MEAK7: variants seen among roughly 807,000 people sequenced by gnomAD.
MEAK7 encodes the protein MTOR-associated protein MEAK7.
A neutral mutation model predicts 40.5 loss-of-function variants in MEAK7; 68 were observed. The observed-to-expected ratio is 1.68, with a 90% CI of 1.38 to 2.06. MEAK7 has a LOEUF of 2.06. Among genes scored for constraint, MEAK7 ranks in the 30% most tolerant of loss-of-function variants. The pLI is 0.00. For synonymous variants in MEAK7, 338 were observed against 231.9 expected (o/e 1.46, Z -4.16); for missense variants, 918 against 580.5 (o/e 1.58, Z -5.98).
At chr16:84,502,290 G>T (rs1229297035) in intron 1 of MEAK7, among the ~76,000 whole-genome samples, 2 of 152,100 alleles carry the variant, frequency 1.3e-5, no homozygotes, top group Non-Finnish European at 2.9e-5. Context: ...CACAACTGGG[G>T]GAGGGGAGTG....
chr16:84,486,547 T>A, intron 5 of MEAK7, 84 bp downstream of exon 5: 1 of 1,504,034 alleles, frequency 6.6e-7, no homozygotes, highest in Non-Finnish European at 8.8e-7. Context: ...GAGAGCCCTA[T>A]TTAGCACCCC....
At chr16:84,488,953 T>C (rs971380653) in intron 4 of MEAK7, among the ~76,000 whole-genome samples, 2 of 151,770 alleles carry the variant, frequency 1.3e-5, no homozygotes, top group African/African-American at 4.8e-5. Context: ...AAATAGAAAC[T>C]AGAAAGACAA....
At chr16:84,481,728 T>C (rs1437304607) in intron 6 of MEAK7, among the ~76,000 whole-genome samples, 1 of 152,016 alleles carries the variant, frequency 6.6e-6, no homozygotes, top group Non-Finnish European at 1.5e-5. Flanking sequence ...GGTCAGGAGA[T>C]GGAGACCATC....
chr16:84,479,763 G>T lies in MEAK7; in HGVS notation c.*150C>A. The T allele has an allele frequency of 2.2e-6, 1 of 462,300 alleles. No individual in the cohort carries two copies. 28.6% of individuals were successfully genotyped at this position (462,300 alleles called of 1,614,324 possible). A position where few individuals can be genotyped will look rare whatever the true frequency, so the allele number is the denominator to read the frequency against. On this transcript the variant is annotated 3_prime_UTR_variant, in exon 8 of 8. Coordinates refer to ENST00000343629, the MANE Select transcript of MEAK7 (RefSeq NM_020947.4). The stretch of plus-strand genomic sequence containing the variant: ...ATGAGTCAGGACATGGCTTCAGAGG[G>T]CGTCTTCTTGGCACATGTGGGACTA...
At position 84,477,369 on chromosome 16, in the gene MEAK7, T is replaced by G. The variant is rs1912156141; in HGVS notation, c.*2544A>C. 1 of 152,104 alleles carries G rather than the reference T, an allele frequency of 6.6e-6. No homozygotes were observed. Among genetic ancestry groups the G allele is most frequent in the Admixed American group, 6.6e-5 (1 of 15,254 alleles). The allele number at this position is 152,104 out of a possible 1,614,324, so 9.4% of individuals were successfully genotyped here. On this transcript the variant is annotated 3_prime_UTR_variant, in exon 8 of 8. Transcript: ENST00000343629. ...ACCATGCCCAGCTAATTTTGTATTT[T>G]TAGTAGAGATGGGGTTTCTCCATGT...
chr16:84,493,865 C>G (rs1009419077), intron 3 of MEAK7, among the ~76,000 whole-genome samples: 2 of 152,158 alleles, frequency 1.3e-5, no homozygotes, highest in African/African-American at 2.4e-5. Context: ...TGGCCTCACA[C>G]TGTCCTTTAC....
Position 84,501,148 on chromosome 16 carries a change from ATGGG to A in MEAK7, c.-25-3041_-25-3038del, listed in dbSNP as rs1408854265. Among the ~76,000 whole-genome samples the A allele has an allele frequency of 6.1e-5, 9 of 148,612 alleles. 1 individual carries two copies. The highest frequency in any genetic ancestry group is 2.2e-4 in the African/African-American group (9 of 40,764). Reference sequence around the variant, plus strand: ...AAAGAGGGGAAACAGAGACAAGGGCATGGGGATGGGTGTGGCCTGGGGGTGTAAC... The same window carrying A: ...AAAGAGGGGAAACAGAGACAAGGGCAGATGGGTGTGGCCTGGGGGTGTAAC... On this transcript the variant is annotated intron_variant, in intron 1 of 7. Transcript: ENST00000343629.
intron 5 of MEAK7, among the ~76,000 whole-genome samples, chr16:84,484,710 A>T (rs1049699094): frequency 2.0e-5 from 3 of 152,164 alleles, no homozygotes; most frequent in Non-Finnish European, 2.9e-5. Flanking sequence ...TAAATCACTT[A>T]AAGTCTCAGA....
rs1356437055 is a variant in MEAK7 at position 84,478,292 on chromosome 16, T to A, written c.*1621A>T. 4 of 152,194 alleles carry A rather than the reference T, an allele frequency of 2.6e-5. No individual in the cohort carries two copies. The highest frequency in any genetic ancestry group is 4.4e-5 in the Non-Finnish European group (3 of 68,038). The allele number at this position is 152,194 out of a possible 1,614,324, so 9.4% of individuals were successfully genotyped here. A position where few individuals can be genotyped will look rare whatever the true frequency, so the allele number is the denominator to read the frequency against. On this transcript the variant is annotated 3_prime_UTR_variant, in exon 8 of 8. Transcript: ENST00000343629. ...AGTCATGACTAAGTCCTTGTCTGCA[T>A]CACGCTCCTGCCCCTCCACACACTG...
At chr16:84,481,215 G>A (rs1203732363) in intron 6 of MEAK7, among the ~76,000 whole-genome samples, 1 of 152,214 alleles carries the variant, frequency 6.6e-6, no homozygotes, top group East Asian at 1.9e-4. Context: ...GGAGGCGGAT[G>A]CGAACCCCTG....
Position 84,504,621 on chromosome 16 carries a change from T to TG in MEAK7, c.-47dup. 1.0e-6 allele frequency: 1 copy of TG among 985,616 alleles called. No individual in the cohort carries two copies. Among genetic ancestry groups the TG allele is most frequent in the Non-Finnish European group, 1.2e-6 (1 of 830,048 alleles). 61.1% of individuals were successfully genotyped at this position (985,616 alleles called of 1,614,324 possible). On this transcript the variant is annotated 5_prime_UTR_variant, in exon 1 of 8. Coordinates refer to ENST00000343629, the MANE Select transcript of MEAK7 (RefSeq NM_020947.4). ...CCTACCCTGCCGGGCTTCCTGGTGCTGTCCGGTCCGGTCCAGCAGCCCACG... is the reference window on the plus strand; with the variant it reads ...CCTACCCTGCCGGGCTTCCTGGTGCTGGTCCGGTCCGGTCCAGCAGCCCACG...
intron 3 of MEAK7, among the ~76,000 whole-genome samples, chr16:84,490,622 G>A (rs1283156064): frequency 1.4e-5 from 2 of 139,216 alleles, no homozygotes; most frequent in Non-Finnish European, 3.1e-5. Context: ...GAGCTCAATG[G>A]TTAAAGTCAG....
intron 1 of MEAK7, among the ~76,000 whole-genome samples, chr16:84,500,382 C>G (rs1159060869): frequency 6.6e-6 from 1 of 152,180 alleles, no homozygotes; most frequent in Non-Finnish European, 1.5e-5. Flanking sequence ...CCGCCAAGTG[C>G]TCTCCACTCT....
chr16:84,490,152 G>C (rs1249501460), intron 3 of MEAK7, among the ~76,000 whole-genome samples: 1 of 152,006 alleles, frequency 6.6e-6, no homozygotes, highest in Non-Finnish European at 1.5e-5. Context: ...TGTGGCTTCT[G>C]TTTTTATTGT....
Position 84,495,799 on chromosome 16 carries a change from G to A in MEAK7, c.268C>T (p.Gln90Ter). 6.2e-7 allele frequency: 1 copy of A among 1,614,058 alleles called. No homozygotes were observed. Among genetic ancestry groups the A allele is most frequent in the Non-Finnish European group, 8.5e-7 (1 of 1,180,024 alleles). ...KGPSENVSQE[Q>*]FTASMSHLLK... ...AGGTGGGACATGGATGCTGTGAACT[G>A]CTCCTGGGACACGTTCTCACTGGGT... The change falls in exon 3 of 8, where the codon CAG becomes TAG. Residue 90 changes from glutamine to a stop codon, truncating the protein, a stop_gained. Coordinates refer to ENST00000343629, the MANE Select transcript of MEAK7 (RefSeq NM_020947.4). LOFTEE classifies it high-confidence loss of function.
At chr16:84,490,050 C>T (rs1567496801) in intron 3 of MEAK7, among the ~76,000 whole-genome samples, 1 of 152,220 alleles carries the variant, frequency 6.6e-6, no homozygotes, top group Non-Finnish European at 1.5e-5. Context: ...AACTGGTCTT[C>T]ATTTACCAAT....
At chr16:84,504,520 A>G in intron 1 of MEAK7, 81 bp downstream of exon 1, 1 of 881,516 alleles carries the variant, frequency 1.1e-6, no homozygotes, top group Non-Finnish European at 1.4e-6. Context: ...CCTACTCTGG[A>G]CCCGTCTGCT....
chr16:84,483,489 G>A (rs1341221915), intron 5 of MEAK7, among the ~76,000 whole-genome samples: 3 of 152,268 alleles, frequency 2.0e-5, no homozygotes, highest in Non-Finnish European at 2.9e-5. Context: ...AGGCTGCAGA[G>A]AAACAAGCTC....
In MEAK7 at chr16:84,482,574, C is replaced by G; in HGVS notation, c.1077+18G>C. On this transcript the variant is annotated intron_variant, in intron 6 of 7. Coordinates refer to ENST00000343629, the MANE Select transcript of MEAK7 (RefSeq NM_020947.4). Reference sequence around the variant, plus strand: ...GGACATCACCAAGGCAAGACCACCACGCTCTGCCCGGGCTCACCAGTCCGT... The same window carrying G: ...GGACATCACCAAGGCAAGACCACCAGGCTCTGCCCGGGCTCACCAGTCCGT... 1 of 1,614,026 alleles carries G rather than the reference C, an allele frequency of 6.2e-7. No individual in the cohort carries two copies. The highest frequency in any genetic ancestry group is 8.5e-7 in the Non-Finnish European group (1 of 1,179,892).
Sources: allele counts gnomAD v4.1 joint callset (sites outside exome capture counted in the v4.1 genomes callset), GRCh38; gene constraint gnomAD v4.1.1; transcripts MANE v1.5; gene names NCBI Gene and HGNC (gene_info 2026-07-23, HGNC 2026-07-21).